ZNF385D: variants seen among roughly 807,000 people sequenced by gnomAD.
The protein encoded by ZNF385D is zinc finger protein 385D, also known as zinc finger protein 659.
A neutral mutation model predicts 35.8 loss-of-function variants in ZNF385D; 15 were observed. That is an observed-to-expected ratio of 0.42 (90% CI 0.28 to 0.64). The LOEUF is 0.64. Ranked by LOEUF, ZNF385D falls within the 30% of genes least tolerant of loss-of-function variation. The pLI is 0.23. For missense variants in ZNF385D, 474 were observed against 494.6 expected (o/e 0.96, Z 0.39); for synonymous variants, 212 against 186.8 (o/e 1.13, Z -1.10).
intron 3 of ZNF385D, among the ~76,000 whole-genome samples, chr3:22,036,442 G>A (rs114918039): frequency 3.3e-5 from 5 of 151,880 alleles, no homozygotes; most frequent in African/African-American, 1.2e-4. Context: ...CAATTGACAA[G>A]AAAACTGACC....
At chr3:21,479,791 A>T (rs1427601444) in intron 4 of ZNF385D, among the ~76,000 whole-genome samples, 1 of 152,202 alleles carries the variant, frequency 6.6e-6, no homozygotes, top group Non-Finnish European at 1.5e-5. Context: ...TCATTACAAA[A>T]GCCACTTTCT....
At chr3:21,604,229 A>C (rs368135864) in intron 2 of ZNF385D, among the ~76,000 whole-genome samples, 2 of 151,734 alleles carry the variant, frequency 1.3e-5, no homozygotes, top group East Asian at 3.9e-4. Flanking sequence ...AGATATGGAG[A>C]CCTATGTTTT....
chr3:22,179,733 A>G (rs189501851), intron 2 of ZNF385D, among the ~76,000 whole-genome samples: 2 of 152,148 alleles, frequency 1.3e-5, no homozygotes, highest in Admixed American at 1.3e-4. Context: ...GTTCTTTGAA[A>G]CCAATGAGAA....
chr3:22,276,171 T>C (rs1475444522), intron 2 of ZNF385D, among the ~76,000 whole-genome samples: 1 of 152,124 alleles, frequency 6.6e-6, no homozygotes, highest in Non-Finnish European at 1.5e-5. Flanking sequence ...TTATTATGAA[T>C]TAATTTAAAT....
chr3:21,970,401 T>C (rs1047507361), intron 3 of ZNF385D, among the ~76,000 whole-genome samples: 3 of 151,208 alleles, frequency 2.0e-5, no homozygotes, highest in African/African-American at 4.8e-5. Context: ...GAAAATGCAG[T>C]TGACATACTG....
chr3:22,262,437 A>G (rs539126155), intron 2 of ZNF385D, among the ~76,000 whole-genome samples: 1 of 152,006 alleles, frequency 6.6e-6, no homozygotes, highest in Admixed American at 6.6e-5. Flanking sequence ...TATTTTTTGC[A>G]TAATTTCATC....
At chr3:22,311,070 C>T (rs532185964) in intron 2 of ZNF385D, among the ~76,000 whole-genome samples, 5 of 151,728 alleles carry the variant, frequency 3.3e-5, no homozygotes, top group South Asian at 2.1e-4. Flanking sequence ...AAGCAAGCAA[C>T]CCAGGTTATT....
chr3:21,966,581 C>CTTGT (rs1038389566), intron 3 of ZNF385D, among the ~76,000 whole-genome samples: 2 of 151,982 alleles, frequency 1.3e-5, no homozygotes, highest in East Asian at 1.9e-4. Flanking sequence ...AGGTTTACTT[C>CTTGT]TTGTTTGTTT....
chr3:22,364,350 T>A (rs989042393), intron 2 of ZNF385D, among the ~76,000 whole-genome samples: 2 of 151,956 alleles, frequency 1.3e-5, no homozygotes, highest in African/African-American at 4.8e-5. Context: ...TATTTACAAA[T>A]CATATATCAG....
chr3:21,529,242 C>T (rs748597194), intron 3 of ZNF385D, among the ~76,000 whole-genome samples: 3 of 152,096 alleles, frequency 2.0e-5, no homozygotes, highest in South Asian at 4.1e-4. Flanking sequence ...AGCCAGGTAA[C>T]GTCTTTGTGC....
chr3:21,443,195 A>G (rs1575153910), intron 4 of ZNF385D: 1 of 985,280 alleles, frequency 1.0e-6, no homozygotes, highest in Non-Finnish European at 1.2e-6. Context: ...AGGTCCAGTC[A>G]CCAGCCAGAA....
intron 2 of ZNF385D, among the ~76,000 whole-genome samples, chr3:22,272,920 G>T (rs1030166197): frequency 6.6e-6 from 1 of 151,832 alleles, no homozygotes; most frequent in African/African-American, 2.4e-5. Flanking sequence ...TTTCAGAAAC[G>T]ATCAGAAATA....
intron 2 of ZNF385D, among the ~76,000 whole-genome samples, chr3:21,602,005 T>C (rs1482778779): frequency 6.6e-6 from 1 of 152,154 alleles, no homozygotes; most frequent in African/African-American, 2.4e-5. Flanking sequence ...GGGTAATTTA[T>C]AAAGAAAAAG....
Position 21,539,896 on chromosome 3 carries a change from TTCTC to T in ZNF385D, c.276+24674_276+24677del, listed in dbSNP as rs974399707. Among the ~76,000 whole-genome samples, 5 of 152,124 alleles carry T rather than the reference TTCTC, an allele frequency of 3.3e-5. No homozygotes were observed. The highest frequency in any genetic ancestry group is 7.4e-5 in the Non-Finnish European group (5 of 67,998). ...GAGCAATTGATTTTAAAATATTTAC[TTCTC>T]TATGTCTTTTTAAACCATGAAGATA... On this transcript the variant is annotated intron_variant, in intron 3 of 7. Coordinates refer to ENST00000281523, the MANE Select transcript of ZNF385D (RefSeq NM_024697.3). The surrounding 1 kb of genome is among the most constrained non-coding windows in gnomAD (Gnocchi z 4.0).
chr3:22,245,961 G>A (rs952100528), intron 2 of ZNF385D, among the ~76,000 whole-genome samples: 4 of 152,094 alleles, frequency 2.6e-5, no homozygotes, highest in African/African-American at 7.2e-5. Flanking sequence ...AGCTCCTTAT[G>A]AAAAGAGCTC....
intron 3 of ZNF385D, among the ~76,000 whole-genome samples, chr3:21,547,531 A>G (rs2125585626): frequency 6.6e-6 from 1 of 152,216 alleles, no homozygotes; most frequent in East Asian, 1.9e-4. Context: ...CCGCTTCCCC[A>G]AAATAGCGCC....
chr3:22,196,361 T>C (rs1020648364), intron 2 of ZNF385D, among the ~76,000 whole-genome samples: 5 of 152,190 alleles, frequency 3.3e-5, no homozygotes, highest in African/African-American at 9.6e-5. Context: ...TTAGAGTGTG[T>C]ATTTTGCAAC....
intron 2 of ZNF385D, among the ~76,000 whole-genome samples, chr3:22,232,705 A>C (rs1349763538): frequency 6.6e-6 from 1 of 152,202 alleles, no homozygotes; most frequent in East Asian, 1.9e-4. Context: ...ATGTCCCTGC[A>C]AAGGAGATGA....
chr3:22,309,784 C>G (rs1451166826), intron 2 of ZNF385D, among the ~76,000 whole-genome samples: 2 of 151,934 alleles, frequency 1.3e-5, no homozygotes, highest in Admixed American at 6.6e-5. Flanking sequence ...GGCCAATCTA[C>G]TATAGTATAG....
Sources: gnomAD v4.1 joint callset for allele counts (sites outside exome capture counted in the v4.1 genomes callset) on GRCh38, gnomAD v4.1.1 for gene constraint, Gnocchi (gnomAD v3.1) non-coding constraint, MANE v1.5 for transcripts, NCBI Gene and HGNC (gene_info 2026-07-23, HGNC 2026-07-21) for gene names.